Variants in HSD17B4 observed in about 807,000 individuals in gnomAD.
The protein encoded by HSD17B4 is peroxisomal multifunctional enzyme type 2.
In HSD17B4, 70 loss-of-function variants were observed where a neutral mutation model predicts 101.0. The ratio of observed to expected loss-of-function variants is 0.69; its 90% confidence interval spans 0.57 to 0.85. The LOEUF is 0.85. HSD17B4 is among the 40% of genes least tolerant of loss of function. The probability of loss-of-function intolerance (pLI) is 0.00; values close to 1 mark genes in which losing one functional copy is unlikely to be tolerated. For missense variants in HSD17B4, 984 were observed against 892.4 expected (o/e 1.10, Z -1.31); for synonymous variants, 347 against 297.1 (o/e 1.17, Z -1.73).
chr5:119,479,264 A>AT (rs202023697), intron 8 of HSD17B4, among the ~76,000 whole-genome samples: 29 of 150,168 alleles, frequency 1.9e-4, no homozygotes, highest in Non-Finnish European at 2.7e-4. Context: ...CATATTCATA[A>AT]TTTTTTTTTT....
rs780799029 is a variant in HSD17B4 at position 119,469,199 on chromosome 5, G to A, written c.113-4709G>A. On this transcript the variant is annotated intron_variant, in intron 2 of 23. Transcript: ENST00000510025. ...TGGATTTCCTTAAGATCATCATTTT[G>A]AATTCCCTTTCAGGAATTTCGTAGA... is the stretch of plus-strand genomic sequence containing the variant. Among the ~76,000 whole-genome samples the A allele has an allele frequency of 3.6e-4, 54 of 150,002 alleles. 1 individual carries two copies. Among genetic ancestry groups the A allele is most frequent in the Admixed American group, 9.3e-4 (14 of 15,104 alleles).
At chr5:119,492,170 T>C (rs759778480) in intron 10 of HSD17B4, 46 bp downstream of exon 10, 2 of 1,423,028 alleles carry the variant, frequency 1.4e-6, no homozygotes, top group Non-Finnish European at 9.9e-7. Flanking sequence ...TTTCCTTATC[T>C]TTAAACCTAC....
chr5:119,467,169 T>A (rs1025835503), intron 2 of HSD17B4, among the ~76,000 whole-genome samples: 7 of 152,230 alleles, frequency 4.6e-5, no homozygotes, highest in Non-Finnish European at 8.8e-5. Flanking sequence ...TTATTGAGGC[T>A]TATTTTGTGG....
intron 23 of HSD17B4, among the ~76,000 whole-genome samples, chr5:119,539,032 A>G (rs530043207): frequency 1.3e-4 from 20 of 152,316 alleles, no homozygotes; most frequent in African/African-American, 4.3e-4. Context: ...TGAAAGTTCA[A>G]TGTCAGAAGT....
chr5:119,522,136 C>A (rs1753172432), intron 17 of HSD17B4, among the ~76,000 whole-genome samples: 1 of 151,698 alleles, frequency 6.6e-6, no homozygotes, highest in Non-Finnish European at 1.5e-5. Flanking sequence ...CTTCCTGTGT[C>A]CAAGTGTTCT....
At chr5:119,493,634 T>G (rs1750315194) in intron 10 of HSD17B4, 184 bp from the exon 11 acceptor site, 7 of 563,826 alleles carry the variant, frequency 1.2e-5, no homozygotes, top group Non-Finnish European at 2.2e-5. Context: ...TTCTTTAAAT[T>G]GACCTTATCC....
At chr5:119,478,662 G>T (rs1304196928) in intron 7 of HSD17B4, among the ~76,000 whole-genome samples, 172 bp from the exon 8 acceptor site, 1 of 152,176 alleles carries the variant, frequency 6.6e-6, no homozygotes, top group Non-Finnish European at 1.5e-5. Flanking sequence ...TGAATTTTGA[G>T]AGATTACTTA....
chr5:119,476,629 G>GT, intron 6 of HSD17B4: 1 of 985,070 alleles, frequency 1.0e-6, no homozygotes, highest in Middle Eastern at 5.2e-4. Flanking sequence ...TGCTTCCCTT[G>GT]TAACAACTGG....
intron 2 of HSD17B4, among the ~76,000 whole-genome samples, chr5:119,462,660 T>TC (rs1341342824): frequency 3.3e-5 from 5 of 152,172 alleles, no homozygotes; most frequent in Admixed American, 3.3e-4. Context: ...TTGCAAAAAG[T>TC]ATTTTTAATG....
intron 23 of HSD17B4, among the ~76,000 whole-genome samples, chr5:119,540,579 C>G (rs996040454): frequency 6.6e-6 from 1 of 152,060 alleles, no homozygotes; most frequent in Non-Finnish European, 1.5e-5. Context: ...TGCAGACCAT[C>G]GTTTTGTTTG....
intron 9 of HSD17B4, among the ~76,000 whole-genome samples, chr5:119,491,570 C>G (rs921491495): frequency 6.7e-6 from 1 of 149,374 alleles, no homozygotes; most frequent in Non-Finnish European, 1.5e-5. Flanking sequence ...TTTGTCTTAT[C>G]TCTGCATAAA....
At chr5:119,482,978 C>T (rs969029709) in intron 8 of HSD17B4, among the ~76,000 whole-genome samples, 7 of 151,732 alleles carry the variant, frequency 4.6e-5, no homozygotes, top group African/African-American at 7.3e-5. Flanking sequence ...AATCACTCTT[C>T]CCCTAGGTCA....
At chr5:119,518,813 G>A (rs1752871170) in intron 17 of HSD17B4, among the ~76,000 whole-genome samples, 1 of 152,108 alleles carries the variant, frequency 6.6e-6, no homozygotes, top group Admixed American at 6.5e-5. Context: ...TGTTTATAAT[G>A]TCTTCAGGAG....
chr5:119,474,036 A>G (rs1421073621), intron 3 of HSD17B4, 21 bp downstream of exon 3: 9 of 1,239,304 alleles, frequency 7.3e-6, no homozygotes, highest in East Asian at 2.3e-5. Flanking sequence ...TGAGAGAACT[A>G]TACTATTTAT....
chr5:119,534,941 T>C (rs894573622), intron 22 of HSD17B4, among the ~76,000 whole-genome samples: 9 of 148,586 alleles, frequency 6.1e-5, no homozygotes, highest in African/African-American at 2.0e-4. Flanking sequence ...CTCTGTGTTA[T>C]TCATCTTAAT....
At chr5:119,458,932 G>T (rs1754941717) in intron 2 of HSD17B4, among the ~76,000 whole-genome samples, 1 of 152,088 alleles carries the variant, frequency 6.6e-6, no homozygotes, top group Non-Finnish European at 1.5e-5. Context: ...TTATTTTGAG[G>T]ACATAAACAC....
At chr5:119,488,737 G>A (rs1228536130) in intron 8 of HSD17B4, among the ~76,000 whole-genome samples, 1 of 152,204 alleles carries the variant, frequency 6.6e-6, no homozygotes, top group Non-Finnish European at 1.5e-5. Context: ...TGCCTACCCT[G>A]GTGGTCTAGT....
chr5:119,474,163 A>T, intron 3 of HSD17B4, 148 bp downstream of exon 3: 1 of 676,534 alleles, frequency 1.5e-6, no homozygotes, highest in South Asian at 1.8e-5. Flanking sequence ...TATTTTATAT[A>T]TGTGAGAATT....
In HSD17B4 at chr5:119,508,714, A is replaced by G. The variant is rs561088143; in HGVS notation, c.1334-427A>G. 8.5e-5 allele frequency among the ~76,000 whole-genome samples: 13 copies of G among 152,334 alleles called. No individual in the cohort carries two copies. The South Asian group carries it at 1.5e-3, about 17-fold the overall frequency. Reference sequence around the variant, plus strand: ...GCAGAACAGCCATGATCCTGCCCTCATGTGGCTTATACCTTCATTCCCACT... The same window carrying G: ...GCAGAACAGCCATGATCCTGCCCTCGTGTGGCTTATACCTTCATTCCCACT... On this transcript the variant is annotated intron_variant, in intron 15 of 23. Coordinates refer to ENST00000510025, the MANE Select transcript of HSD17B4 (RefSeq NM_000414.4).
Sources: allele counts gnomAD v4.1 joint callset (sites outside exome capture counted in the v4.1 genomes callset), GRCh38; gene constraint gnomAD v4.1.1; transcripts MANE v1.5; gene names NCBI Gene and HGNC (gene_info 2026-07-23, HGNC 2026-07-21).